The following CSMD1 variants were observed in gnomAD, a reference collection of about 807,000 sequenced individuals.
The protein encoded by CSMD1 is CUB and Sushi multiple domains 1.
A neutral mutation model predicts 417.5 loss-of-function variants in CSMD1; 213 were observed. The ratio of observed to expected loss-of-function variants is 0.51; its 90% CI spans 0.46 to 0.57. CSMD1 has a LOEUF of 0.57. Ranked by LOEUF, CSMD1 falls within the 20% of genes least tolerant of loss-of-function variation. The probability of loss-of-function intolerance (pLI) is 0.00; values close to 1 mark genes in which losing one functional copy is unlikely to be tolerated. For synonymous variants in CSMD1, 2,862 were observed against 1,736.8 expected (o/e 1.65, Z -16.11); for missense variants, 6,923 against 4,529.7 (o/e 1.53, Z -15.17).
At chr8:4,734,634 G>A (rs1411826451) in intron 1 of CSMD1, among the ~76,000 whole-genome samples, 1 of 152,096 alleles carries the variant, frequency 6.6e-6, no homozygotes, top group Non-Finnish European at 1.5e-5. Flanking sequence ...TTTAGGTACT[G>A]GAAATACTTT....
chr8:4,681,192 T>C (rs144336444), intron 1 of CSMD1, among the ~76,000 whole-genome samples: 112 of 152,310 alleles, frequency 7.4e-4, no homozygotes, highest in African/African-American at 2.7e-3. Flanking sequence ...TTTTTGGCAA[T>C]TGCATTTTCT....
chr8:3,175,461 TCCTTCCTTCTTTTC>T (rs1820853764), intron 37 of CSMD1, among the ~76,000 whole-genome samples: 1 of 106,792 alleles, frequency 9.4e-6, no homozygotes, highest in African/African-American at 3.3e-5. Context: ...CTTCCTTCTT[TCCTTCCTTCTTTTC>T]CCTTCCTTCC....
At position 4,865,549 on chromosome 8, in the gene CSMD1, C is replaced by G. The variant is rs184837118; in HGVS notation, c.85+128783G>C. ...GAAAATCACTTGGAGAAGAATGTCG[C>G]TCATCACCCCAACATGGAATGCAAT... On this transcript the variant is annotated intron_variant, in intron 1 of 69. Coordinates refer to ENST00000635120, the MANE Select transcript of CSMD1 (RefSeq NM_033225.6). 1.1e-4 allele frequency among the ~76,000 whole-genome samples: 16 copies of G among 152,014 alleles called. No individual in the cohort carries two copies. The East Asian group carries it at 2.1e-3, about 20-fold the overall frequency.
intron 3 of CSMD1, among the ~76,000 whole-genome samples, chr8:4,139,635 G>A (rs1011819197): frequency 6.6e-5 from 10 of 151,152 alleles, no homozygotes; most frequent in African/African-American, 2.2e-4. Context: ...TTGGAATAGT[G>A]GGACCAGCAG....
chr8:3,071,145 C>T (rs565839469), intron 49 of CSMD1, among the ~76,000 whole-genome samples: 95 of 152,202 alleles, frequency 6.2e-4, no homozygotes, highest in South Asian at 1.2e-3. Flanking sequence ...GAAGGATCCA[C>T]CCGCTTGATC....
At chr8:3,707,655 G>A (rs1452745584) in intron 7 of CSMD1, among the ~76,000 whole-genome samples, 1 of 151,796 alleles carries the variant, frequency 6.6e-6, no homozygotes, top group Non-Finnish European at 1.5e-5. Context: ...CAAAACCAGT[G>A]GAGAGCTGAC....
At chr8:3,327,142 A>G (rs1408946839) in intron 23 of CSMD1, among the ~76,000 whole-genome samples, 4 of 129,202 alleles carry the variant, frequency 3.1e-5, no homozygotes, top group African/African-American at 6.6e-5. Context: ...TCTTTACAAT[A>G]CCATCTTTTT....
chr8:4,145,129 T>A (rs1465208482), intron 3 of CSMD1, among the ~76,000 whole-genome samples: 1 of 151,158 alleles, frequency 6.6e-6, no homozygotes, highest in Non-Finnish European at 1.5e-5. Flanking sequence ...GGCGCAGATA[T>A]AATAGTTTAG....
chr8:4,536,612 G>A (rs1697795353), intron 2 of CSMD1, among the ~76,000 whole-genome samples: 1 of 152,092 alleles, frequency 6.6e-6, no homozygotes, highest in Non-Finnish European at 1.5e-5. Flanking sequence ...CTGCACAAGT[G>A]GATACTGAGA....
At chr8:4,100,505 A>T (rs1250851666) in intron 3 of CSMD1, among the ~76,000 whole-genome samples, 1 of 152,204 alleles carries the variant, frequency 6.6e-6, no homozygotes, top group Non-Finnish European at 1.5e-5. Context: ...CAACTATAAA[A>T]TGGATTAAAA....
At chr8:2,986,562 T>C (rs1222767495) in intron 54 of CSMD1, among the ~76,000 whole-genome samples, 1 of 152,166 alleles carries the variant, frequency 6.6e-6, no homozygotes, top group African/African-American at 2.4e-5. Flanking sequence ...TGGAGTGCAA[T>C]GGCGCGATCT....
At chr8:3,572,901 A>G (rs959926123) in intron 10 of CSMD1, among the ~76,000 whole-genome samples, 2 of 152,194 alleles carry the variant, frequency 1.3e-5, no homozygotes, top group South Asian at 2.1e-4. Context: ...AATTCTCAAT[A>G]TCATATGATT....
chr8:4,347,672 T>C (rs1259343251), intron 3 of CSMD1, among the ~76,000 whole-genome samples: 1 of 152,166 alleles, frequency 6.6e-6, no homozygotes, highest in African/African-American at 2.4e-5. Flanking sequence ...AGTATGCAAT[T>C]GCAATGACTC....
intron 37 of CSMD1, among the ~76,000 whole-genome samples, chr8:3,170,352 C>A (rs7013073): frequency 0.24 from 36,077 of 152,068 alleles, 5,455 homozygotes; most frequent in African/African-American, 0.43. Context: ...GGACTACAGG[C>A]GCCTACCACC....
chr8:4,936,664 T>C (rs746720115), intron 1 of CSMD1, among the ~76,000 whole-genome samples: 5 of 152,208 alleles, frequency 3.3e-5, no homozygotes, highest in African/African-American at 4.8e-5. Context: ...TTATGGACAT[T>C]ATTAACCATT....
At chr8:3,401,716 G>A (rs537233423) in intron 15 of CSMD1, among the ~76,000 whole-genome samples, 1 of 151,818 alleles carries the variant, frequency 6.6e-6, no homozygotes, top group South Asian at 2.1e-4. Context: ...AAGGTCTTAG[G>A]AAAGCAATCA....
At position 3,905,319 on chromosome 8, in the gene CSMD1, A is replaced by T. The variant is rs184293507; in HGVS notation, c.818+92584T>A. ...AACTTAAAGAAGGTTAGTGACAGGT[A>T]CCTGATCTTAAATCCAACATAAAAG... On this transcript the variant is annotated intron_variant, in intron 5 of 69. Coordinates refer to ENST00000635120, the MANE Select transcript of CSMD1 (RefSeq NM_033225.6). Among the ~76,000 whole-genome samples, 22 of 152,350 alleles carry T rather than the reference A, an allele frequency of 1.4e-4. No homozygotes were observed. The East Asian group carries it at 2.5e-3, about 17-fold the overall frequency.
chr8:3,216,760 C>G (rs764323262), intron 29 of CSMD1, among the ~76,000 whole-genome samples: 1 of 152,252 alleles, frequency 6.6e-6, no homozygotes, highest in Non-Finnish European at 1.5e-5. Flanking sequence ...TACCTTTGAG[C>G]TTTCCTGCAT....
intron 2 of CSMD1, among the ~76,000 whole-genome samples, chr8:4,536,573 A>G (rs1336812940): frequency 6.6e-6 from 1 of 152,204 alleles, no homozygotes; most frequent in African/African-American, 2.4e-5. Flanking sequence ...AGCATCGGAC[A>G]CTGTTGTGGA....
Sources: allele counts gnomAD v4.1 joint callset (sites outside exome capture counted in the v4.1 genomes callset), GRCh38; gene constraint gnomAD v4.1.1; transcripts MANE v1.5; gene names NCBI Gene and HGNC (gene_info 2026-07-23, HGNC 2026-07-21).